TAMM41: variants seen among roughly 807,000 people sequenced by gnomAD.
The protein encoded by TAMM41 is TAM41 mitochondrial translocator assembly and maintenance homolog.
Under a neutral mutation model 44.1 loss-of-function variants are expected in TAMM41, and 36 were observed. That is an observed-to-expected ratio of 0.82 (90% CI 0.63 to 1.08). The LOEUF is 1.08. Ranked by LOEUF, TAMM41 falls within the 50% of genes least tolerant of loss-of-function variation. The pLI, the probability that TAMM41 is intolerant of heterozygous loss-of-function variation, is 0.00. For missense variants in TAMM41, 417 were observed against 404.3 expected, an observed-to-expected ratio of 1.03 and a Z score of -0.27; for synonymous variants, 164 against 153.1, an observed-to-expected ratio of 1.07 and a Z score of -0.53.
rs1416036157 is a variant in TAMM41, at chr3:11,842,283, A to G, written c.318+1746T>C. Among the ~76,000 whole-genome samples, 3 of 151,540 alleles carry G rather than the reference A, an allele frequency of 2.0e-5. No individual in the cohort carries two copies. The East Asian group carries it at 5.8e-4, about 29-fold the overall frequency. ...AGTAGTGGGCTCTGTAATCCCAGCT[A>G]CTCGGGAGGCTGAGGCAGGAGAATC... is the stretch of plus-strand genomic sequence containing the variant. On this transcript the variant is annotated intron_variant, in intron 2 of 7. Transcript: ENST00000455809.
chr3:11,844,304 GA>G, intron 1 of TAMM41, 93 bp from the exon 2 acceptor site: 1 of 1,224,722 alleles, frequency 8.2e-7, no homozygotes, highest in Non-Finnish European at 1.1e-6. Flanking sequence ...ACGCAATTAT[GA>G]TCAATAGTCA....
the TAMM41 span, among the ~76,000 whole-genome samples, chr3:11,748,942 T>G: frequency 7.4e-6 from 1 of 134,822 alleles, no homozygotes; most frequent in Non-Finnish European, 1.6e-5. Flanking sequence ...AGATGGAATC[T>G]CACTCTGTCA....
chr3:11,842,667 C>T (rs1353318023), intron 2 of TAMM41, among the ~76,000 whole-genome samples: 1 of 151,858 alleles, frequency 6.6e-6, no homozygotes, highest in Non-Finnish European at 1.5e-5. Context: ...GCATTCTAGC[C>T]TGGGTGACAG....
intron 2 of TAMM41, among the ~76,000 whole-genome samples, chr3:11,841,958 G>A (rs2079463914): frequency 6.6e-6 from 1 of 152,194 alleles, no homozygotes; most frequent in Non-Finnish European, 1.5e-5. Context: ...TATGGCCCAA[G>A]GGGTATGCAG....
Position 11,827,913 on chromosome 3 carries a change from G to A in TAMM41, c.562+1801C>T, listed in dbSNP as rs61161216. Among the ~76,000 whole-genome samples the A allele has an allele frequency of 4.9e-3, 739 of 152,130 alleles. 4 individuals carry two copies. The highest frequency in any genetic ancestry group is 0.034 in the Middle Eastern group (10 of 294). On this transcript the variant is annotated intron_variant, in intron 4 of 7. Transcript: ENST00000455809. ...CTTGTCCAACAACATGGACAGACAT[G>A]GTTTTTCTGTTCCTTCTCCTGCCCA...
chr3:11,796,324 C>T (rs2077605526), intron 7 of TAMM41, among the ~76,000 whole-genome samples: 1 of 152,160 alleles, frequency 6.6e-6, no homozygotes, highest in Non-Finnish European at 1.5e-5. Context: ...AGCCTCAGAA[C>T]ACCTTGTGAG....
At chr3:11,722,987 G>A in the TAMM41 span, among the ~76,000 whole-genome samples, 1 of 152,070 alleles carries the variant, frequency 6.6e-6, no homozygotes, top group Admixed American at 6.6e-5. Context: ...GCTGGGGATG[G>A]TGGCTCACAC....
intron 4 of TAMM41, among the ~76,000 whole-genome samples, chr3:11,826,242 T>C (rs949805471): frequency 1.3e-5 from 2 of 152,164 alleles, no homozygotes; most frequent in African/African-American, 2.4e-5. Context: ...TGAGATAAGA[T>C]GCTGGAGGCA....
At chr3:11,830,100 T>G (rs999815203) in intron 3 of TAMM41, among the ~76,000 whole-genome samples, 1 of 152,188 alleles carries the variant, frequency 6.6e-6, no homozygotes, top group African/African-American at 2.4e-5. Context: ...AAAACAAATA[T>G]TCTTCTTAAA....
the TAMM41 span, among the ~76,000 whole-genome samples, chr3:11,762,797 C>A: frequency 6.6e-6 from 1 of 152,204 alleles, no homozygotes. Context: ...CGTTGGCTCA[C>A]TCCTGTAATC....
At chr3:11,804,996 C>CTTT (rs1156555980) in intron 7 of TAMM41, among the ~76,000 whole-genome samples, 24 of 103,064 alleles carry the variant, frequency 2.3e-4, no homozygotes, top group Non-Finnish European at 3.3e-4. Flanking sequence ...ACGCCCAGCC[C>CTTT]TTTTTTTTTT....
At chr3:11,751,402 C>T in the TAMM41 span, among the ~76,000 whole-genome samples, 2 of 152,120 alleles carry the variant, frequency 1.3e-5, no homozygotes, top group African/African-American at 4.8e-5. Flanking sequence ...AAGACTTTTC[C>T]TTATGAGCCC....
At chr3:11,731,327 A>G in the TAMM41 span, among the ~76,000 whole-genome samples, 1 of 152,082 alleles carries the variant, frequency 6.6e-6, no homozygotes, top group Non-Finnish European at 1.5e-5. Context: ...CAGGACATAG[A>G]AGCGTTAAGA....
At chr3:11,780,807 T>G in the TAMM41 span, among the ~76,000 whole-genome samples, 3 of 152,214 alleles carry the variant, frequency 2.0e-5, no homozygotes, top group Non-Finnish European at 4.4e-5. Flanking sequence ...ATCCTTAGAA[T>G]TGGGACAACT....
At chr3:11,829,543 G>T (rs1189855840) in intron 4 of TAMM41, among the ~76,000 whole-genome samples, 171 bp downstream of exon 4, 1 of 152,188 alleles carries the variant, frequency 6.6e-6, no homozygotes, top group Admixed American at 6.5e-5. Context: ...GTGGAGAGGG[G>T]ACCCAGGAGG....
At chr3:11,826,405 T>G (rs1413948079) in intron 4 of TAMM41, among the ~76,000 whole-genome samples, 1 of 151,860 alleles carries the variant, frequency 6.6e-6, no homozygotes, top group Non-Finnish European at 1.5e-5. Flanking sequence ...GGCGTGTGCC[T>G]GTGGTCCCAG....
the TAMM41 span, among the ~76,000 whole-genome samples, chr3:11,760,263 T>A: frequency 6.6e-6 from 1 of 152,198 alleles, no homozygotes; most frequent in Non-Finnish European, 1.5e-5. Context: ...GTTAGACTAA[T>A]ATTCAGGACT....
At chr3:11,823,106 A>T (rs962389253) in intron 4 of TAMM41, among the ~76,000 whole-genome samples, 13 of 152,062 alleles carry the variant, frequency 8.5e-5, no homozygotes, top group Non-Finnish European at 1.8e-4. Flanking sequence ...ATTTGTATTG[A>T]TGTTTCCATT....
At chr3:11,764,769 G>T in the TAMM41 span, among the ~76,000 whole-genome samples, 3 of 152,028 alleles carry the variant, frequency 2.0e-5, no homozygotes. Flanking sequence ...TGGGATCACA[G>T]GCTTGAGCCA....
Sources: allele counts gnomAD v4.1 joint callset (sites outside exome capture counted in the v4.1 genomes callset), GRCh38; gene constraint gnomAD v4.1.1; transcripts MANE v1.5; gene names NCBI Gene and HGNC (gene_info 2026-07-23, HGNC 2026-07-21).